The following ATP6V1A variants were observed in gnomAD, a reference collection of about 807,000 sequenced individuals.
The protein encoded by ATP6V1A is ATPase H+ transporting V1 subunit A, also known as V-type proton ATPase catalytic subunit A.
Under a neutral mutation model 70.1 loss-of-function variants are expected in ATP6V1A, and 18 were observed. The observed-to-expected ratio is 0.26, with a 90% CI of 0.18 to 0.38. ATP6V1A has a LOEUF of 0.38. ATP6V1A is among the 10% of genes least tolerant of loss of function. The probability of loss-of-function intolerance (pLI) is 1.00; values close to 1 mark genes in which losing one functional copy is unlikely to be tolerated. For missense variants in ATP6V1A, 424 were observed against 772.4 expected, an observed-to-expected ratio of 0.55 and a Z score of 5.35; for synonymous variants, 232 against 253.8, an observed-to-expected ratio of 0.91 and a Z score of 0.82.
intron 1 of ATP6V1A, among the ~76,000 whole-genome samples, chr3:113,776,628 C>T (rs1023954358): frequency 3.2e-4 from 48 of 152,194 alleles, no homozygotes; most frequent in African/African-American, 9.9e-4. Context: ...ATCCTGCCTC[C>T]CCTACTTTAA....
intron 1 of ATP6V1A, among the ~76,000 whole-genome samples, chr3:113,773,058 C>T (rs1301915215): frequency 6.7e-6 from 1 of 150,206 alleles, no homozygotes; most frequent in African/African-American, 2.5e-5. Context: ...CTGCCTCAGC[C>T]TCCTGAGTAG....
intron 1 of ATP6V1A, among the ~76,000 whole-genome samples, chr3:113,771,213 G>A (rs1436403247): frequency 6.6e-6 from 1 of 152,096 alleles, no homozygotes. Context: ...ACTGAGAGGC[G>A]TAAGCATTCA....
intron 6 of ATP6V1A, among the ~76,000 whole-genome samples, chr3:113,787,967 C>A (rs1048090373): frequency 1.2e-4 from 18 of 152,238 alleles, no homozygotes; most frequent in African/African-American, 4.1e-4. Context: ...GTGACCCAGG[C>A]TGGAATGCAA....
rs968160720 is a variant in ATP6V1A at position 113,798,353 on chromosome 3, A to G, written c.1401A>G (p.Lys467=). ...GTGCCTTGGATGAATACTATGACAAACACTTCACAGAGTTCGTTCCTCTGA... is the reference window on the plus strand; with the variant it reads ...GTGCCTTGGATGAATACTATGACAAGCACTTCACAGAGTTCGTTCCTCTGA... ...YMRALDEYYD[K]HFTEFVPLRT... The change falls in exon 12 of 15, where the codon AAA becomes AAG. Residue 467 remains lysine, a synonymous_variant. Transcript: ENST00000273398. The G allele has an allele frequency of 5.6e-6, 9 of 1,614,026 alleles. No homozygotes were observed. Among genetic ancestry groups the G allele is most frequent in the Non-Finnish European group, 7.6e-6 (9 of 1,179,974 alleles).
chr3:113,769,002 G>A lies in ATP6V1A; in HGVS notation c.-13-9739G>A, dbSNP rs559962059. ...TTATGTGCTTATTTCCAAAGCAGTCGAGGGAACTGGAATTACAATAATAGG... is the reference window on the plus strand; with the variant it reads ...TTATGTGCTTATTTCCAAAGCAGTCAAGGGAACTGGAATTACAATAATAGG... On this transcript the variant is annotated intron_variant, in intron 1 of 14. Coordinates refer to ENST00000273398, the MANE Select transcript of ATP6V1A (RefSeq NM_001690.4). Among the ~76,000 whole-genome samples, 13 of 152,286 alleles carry A rather than the reference G, an allele frequency of 8.5e-5. No individual in the cohort carries two copies. In the East Asian group the frequency reaches 2.1e-3, roughly 25 times the overall value.
At chr3:113,765,762 CAA>C (rs398052207) in intron 1 of ATP6V1A, among the ~76,000 whole-genome samples, 8 of 127,248 alleles carry the variant, frequency 6.3e-5, no homozygotes, top group Non-Finnish European at 8.4e-5. Flanking sequence ...ACTAAAAATA[CAA>C]AAAAAAAAAA....
At chr3:113,798,506 CAGAT>C (rs1440826420) in intron 12 of ATP6V1A, 60 bp downstream of exon 12, 27 of 1,490,930 alleles carry the variant, frequency 1.8e-5, no homozygotes, top group Non-Finnish European at 2.2e-5. Flanking sequence ...GTTTCAAGGA[CAGAT>C]AGAGCCTTGG....
At chr3:113,789,703 A>G in intron 7 of ATP6V1A, 29 bp from the exon 8 acceptor site, 1 of 1,497,158 alleles carries the variant, frequency 6.7e-7, no homozygotes, top group Non-Finnish European at 9.2e-7. Flanking sequence ...TAGAAATTGG[A>G]GATTCACTAA....
chr3:113,775,620 G>A (rs1708902473), intron 1 of ATP6V1A, among the ~76,000 whole-genome samples: 2 of 152,168 alleles, frequency 1.3e-5, no homozygotes, highest in South Asian at 4.1e-4. Context: ...CAGATATTAA[G>A]AGATTTTGAT....
chr3:113,750,114 C>G (rs1372612526), intron 1 of ATP6V1A, among the ~76,000 whole-genome samples: 1 of 152,172 alleles, frequency 6.6e-6, no homozygotes, highest in Admixed American at 6.5e-5. Context: ...GTTATATGTC[C>G]TTTTACGTAA....
chr3:113,788,791 G>A lies in ATP6V1A; in HGVS notation c.795G>A (p.Lys265=), dbSNP rs1709063824. ...CAGTGATATCACAGTCTCTATCCAA[G>A]TATTCTAACAGTGATGTAATCATCT... The part of the protein sequence containing the change: ...GKTVISQSLS[K]YSNSDVIIYV... Residue 265 remains lysine (K), a synonymous_variant, in exon 7 of 15, where the codon AAG becomes AAA. Transcript: ENST00000273398. 1 of 1,613,908 alleles carries A rather than the reference G, an allele frequency of 6.2e-7. No individual in the cohort carries two copies. Among genetic ancestry groups the A allele is most frequent in the South Asian group, 1.1e-5 (1 of 91,078 alleles).
Position 113,809,588 on chromosome 3 carries a change from A to AT in ATP6V1A, c.*162dup, listed in dbSNP as rs1429862884. ...TTTCCCTGTTTTTTTGGTAGGTCTTATATAAAACAAACATTCCTTTGTTCT... is the reference window on the plus strand; with the variant it reads ...TTTCCCTGTTTTTTTGGTAGGTCTTATTATAAAACAAACATTCCTTTGTTCT... On this transcript the variant is annotated 3_prime_UTR_variant, in exon 15 of 15. Coordinates refer to ENST00000273398, the MANE Select transcript of ATP6V1A (RefSeq NM_001690.4). 1 of 578,164 alleles carries AT rather than the reference A, an allele frequency of 1.7e-6. No individual in the cohort carries two copies. Among genetic ancestry groups the AT allele is most frequent in the Admixed American group, 3.1e-5 (1 of 31,908 alleles). The allele number at this position is 578,164 out of a possible 1,614,324, so 35.8% of individuals were successfully genotyped here.
At chr3:113,753,849 C>G (rs1227021073) in intron 1 of ATP6V1A, among the ~76,000 whole-genome samples, 1 of 151,992 alleles carries the variant, frequency 6.6e-6, no homozygotes, top group Non-Finnish European at 1.5e-5. Context: ...GTGTGCACCA[C>G]CACACCTGGC....
At chr3:113,789,357 A>C (rs899373604) in intron 7 of ATP6V1A, among the ~76,000 whole-genome samples, 1 of 152,158 alleles carries the variant, frequency 6.6e-6, no homozygotes, top group Non-Finnish European at 1.5e-5. Flanking sequence ...CAGGAATTTT[A>C]ATTCTTAAGC....
intron 14 of ATP6V1A, 53 bp downstream of exon 14, chr3:113,805,578 CTT>C (rs547136777): frequency 4.6e-6 from 6 of 1,318,448 alleles, no homozygotes; most frequent in Admixed American, 2.2e-5. Flanking sequence ...TTCTTTTTTT[CTT>C]TTTTTTTTAG....
intron 5 of ATP6V1A, among the ~76,000 whole-genome samples, chr3:113,785,535 G>T (rs1332243351): frequency 7.6e-6 from 1 of 131,698 alleles, no homozygotes; most frequent in Non-Finnish European, 1.6e-5. Flanking sequence ...TTGAGACAGG[G>T]TCTTGCTGTG....
intron 1 of ATP6V1A, among the ~76,000 whole-genome samples, chr3:113,766,328 C>G (rs1160483453): frequency 6.6e-6 from 1 of 152,102 alleles, no homozygotes; most frequent in African/African-American, 2.4e-5. Flanking sequence ...GACAGTCTCG[C>G]TCTGTCACCC....
rs534019947 is a variant in ATP6V1A at position 113,800,845 on chromosome 3, A to G, written c.1494+2399A>G. 6.6e-5 allele frequency among the ~76,000 whole-genome samples: 10 copies of G among 152,268 alleles called. No individual in the cohort carries two copies. The East Asian group carries it at 1.9e-3, about 29-fold the overall frequency. The stretch of plus-strand genomic sequence containing the variant: ...ACAGACCAGTGACATTGGGAGAGGA[A>G]GTTTGTGACATCTAAAACTCATGGA... On this transcript the variant is annotated intron_variant, in intron 12 of 14. Transcript: ENST00000273398.
At chr3:113,794,610 C>T (rs1037042931) in intron 8 of ATP6V1A, among the ~76,000 whole-genome samples, 2 of 152,066 alleles carry the variant, frequency 1.3e-5, no homozygotes, top group Non-Finnish European at 2.9e-5. Context: ...TATGGAAGAG[C>T]GTGTGACTTG....
Sources: gnomAD v4.1 joint callset for allele counts (sites outside exome capture counted in the v4.1 genomes callset) on GRCh38, gnomAD v4.1.1 for gene constraint, MANE v1.5 for transcripts, NCBI Gene and HGNC (gene_info 2026-07-23, HGNC 2026-07-21) for gene names.